Variants in CDH12 observed in about 807,000 individuals in gnomAD.
CDH12 encodes cadherin-12.
In CDH12, 41 loss-of-function variants were observed where a neutral mutation model predicts 74.1. That is an observed-to-expected ratio of 0.55 (90% confidence interval 0.43 to 0.72). The LOEUF (loss-of-function observed/expected upper bound fraction) is 0.72. CDH12 is among the 30% of genes least tolerant of loss of function. The pLI, the probability that CDH12 is intolerant of heterozygous loss-of-function variation, is 0.00. For synonymous variants in CDH12, 399 were observed against 355.0 expected, an observed-to-expected ratio of 1.12 and a Z score of -1.39; for missense variants, 945 against 977.2, an observed-to-expected ratio of 0.97 and a Z score of 0.44.
At chr5:22,408,785 C>G (rs1338267244) in intron 2 of CDH12, among the ~76,000 whole-genome samples, 1 of 151,658 alleles carries the variant, frequency 6.6e-6, no homozygotes, top group African/African-American at 2.4e-5. Flanking sequence ...ATTTTAAAGA[C>G]CTAAAATAAT....
At chr5:21,957,917 G>A (rs1376400025) in intron 6 of CDH12, among the ~76,000 whole-genome samples, 2 of 152,132 alleles carry the variant, frequency 1.3e-5, no homozygotes, top group Non-Finnish European at 2.9e-5. Context: ...CTCTTAATAA[G>A]TTTAATGAGA....
chr5:22,757,543 G>A (rs753045786), intron 1 of CDH12, among the ~76,000 whole-genome samples: 3 of 152,176 alleles, frequency 2.0e-5, no homozygotes, highest in South Asian at 4.1e-4. Context: ...TCAGGTAAAA[G>A]TTCTATTATT....
chr5:22,751,341 T>TATATATATATATATAATATAC lies in CDH12; in HGVS notation c.-523+101716_-523+101717insGTATATTATATATATATATAT, dbSNP rs1250167922. Reference sequence around the variant, plus strand: ...CTGTGATATATATATATAATATACATATATATATATATATATAATATCTAC... The same window carrying TATATATATATATATAATATAC: ...CTGTGATATATATATATAATATACATATATATATATATATAATATACATATATATATATATATAATATCTAC... On this transcript the variant is annotated intron_variant, in intron 1 of 14. Transcript: ENST00000382254. Among the ~76,000 whole-genome samples, 7 of 9,122 alleles carry TATATATATATATATAATATAC rather than the reference T, an allele frequency of 7.7e-4. No homozygotes were observed. In the East Asian group the frequency reaches 0.028, roughly 36 times the overall value. The allele number at this position is 9,122 out of a possible 152,430, so 6.0% of individuals were successfully genotyped here.
chr5:22,102,395 A>C (rs1744186003), intron 4 of CDH12, among the ~76,000 whole-genome samples: 1 of 152,126 alleles, frequency 6.6e-6, no homozygotes, highest in Non-Finnish European at 1.5e-5. Flanking sequence ...CTGGCAGGGC[A>C]CGGTGGCTCA....
chr5:22,754,027 T>A (rs951470160), intron 1 of CDH12, among the ~76,000 whole-genome samples: 29 of 152,322 alleles, frequency 1.9e-4, no homozygotes, highest in Non-Finnish European at 2.5e-4. Flanking sequence ...CATAAGTTTG[T>A]GATGTCTAAT....
chr5:21,906,805 A>G (rs2150059433), intron 6 of CDH12, among the ~76,000 whole-genome samples: 1 of 152,196 alleles, frequency 6.6e-6, no homozygotes, highest in African/African-American at 2.4e-5. Flanking sequence ...GCCTTTACTC[A>G]CAAATATGAA....
intron 3 of CDH12, among the ~76,000 whole-genome samples, chr5:22,304,327 T>C (rs1256453726): frequency 6.6e-6 from 1 of 152,164 alleles, no homozygotes; most frequent in Non-Finnish European, 1.5e-5. Flanking sequence ...AGAATTAAGC[T>C]CTTTCTATGA....
chr5:22,817,619 T>C (rs1340584588), intron 1 of CDH12, among the ~76,000 whole-genome samples: 2 of 152,194 alleles, frequency 1.3e-5, no homozygotes, highest in African/African-American at 2.4e-5. Context: ...TATCTTTGAC[T>C]CTATTCAAAA....
intron 8 of CDH12, among the ~76,000 whole-genome samples, chr5:21,819,021 G>C (rs190753585): frequency 6.6e-6 from 1 of 152,064 alleles, no homozygotes; most frequent in Non-Finnish European, 1.5e-5. Flanking sequence ...AATGTTTGCT[G>C]AACTTAAAGC....
intron 1 of CDH12, among the ~76,000 whole-genome samples, chr5:22,626,496 C>G (rs1738305449): frequency 6.6e-6 from 1 of 152,196 alleles, no homozygotes; most frequent in South Asian, 2.1e-4. Flanking sequence ...GCTTAGCCCC[C>G]TGAAATCTTC....
chr5:21,801,845 GA>G, intron 10 of CDH12, among the ~76,000 whole-genome samples: 1 of 152,200 alleles, frequency 6.6e-6, no homozygotes, highest in East Asian at 1.9e-4. Flanking sequence ...TACTAATTAT[GA>G]GAATCATTCT....
At chr5:22,155,880 C>A (rs1367168318) in intron 4 of CDH12, among the ~76,000 whole-genome samples, 1 of 152,008 alleles carries the variant, frequency 6.6e-6, no homozygotes, top group Admixed American at 6.6e-5. Context: ...ACGACTCATT[C>A]TGCCTTATGG....
At chr5:22,224,799 C>T (rs1028612838) in intron 3 of CDH12, among the ~76,000 whole-genome samples, 21 of 151,730 alleles carry the variant, frequency 1.4e-4, no homozygotes, top group Middle Eastern at 3.4e-3. Context: ...GTATAAAAAA[C>T]TTACACGAGT....
At chr5:22,164,305 T>C (rs2150321994) in intron 4 of CDH12, among the ~76,000 whole-genome samples, 1 of 152,336 alleles carries the variant, frequency 6.6e-6, no homozygotes, top group African/African-American at 2.4e-5. Flanking sequence ...AGAAGAGAAC[T>C]GTGGAACCCA....
chr5:21,941,084 C>T (rs1481207555), intron 6 of CDH12, among the ~76,000 whole-genome samples: 1 of 152,066 alleles, frequency 6.6e-6, no homozygotes, highest in East Asian at 1.9e-4. Context: ...TAATTTGGTA[C>T]ACCTTTTAAA....
intron 1 of CDH12, among the ~76,000 whole-genome samples, chr5:22,700,669 C>T (rs1742668992): frequency 6.6e-6 from 1 of 152,158 alleles, no homozygotes; most frequent in Non-Finnish European, 1.5e-5. Flanking sequence ...TCTTACTAAA[C>T]CACCTTCTTA....
chr5:21,751,859 C>T lies in CDH12; in HGVS notation c.2263G>A (p.Asp755Asn), dbSNP rs769211128. ...GSVAESLSSI[D>N]SLTTEADQDY... ...TGGTCGGCTTCTGTGGTGAGAGAGT[C>T]TATAGAGCTGAGGGACTCTGCCACG... Residue 755 changes from aspartate to asparagine, a missense_variant, in exon 15 of 15, where the codon GAC (aspartate) becomes AAC (asparagine). Around this residue, in one of 3 missense-constraint regions of CDH12, gnomAD observed 791 missense variants for 792.8 expected, o/e 1.00. Transcript: ENST00000382254. 47 of 1,614,012 alleles carry T rather than the reference C, an allele frequency of 2.9e-5. No individual in the cohort carries two copies. The South Asian group carries it at 5.1e-4, about 17-fold the overall frequency.
chr5:22,413,890 T>C (rs957622594), intron 2 of CDH12, among the ~76,000 whole-genome samples: 2 of 152,032 alleles, frequency 1.3e-5, no homozygotes, highest in Non-Finnish European at 2.9e-5. Context: ...TCTTCACACA[T>C]AATATTGAAT....
chr5:22,392,460 C>T (rs1239049810), intron 3 of CDH12, among the ~76,000 whole-genome samples: 2 of 152,120 alleles, frequency 1.3e-5, no homozygotes, highest in Non-Finnish European at 2.9e-5. Flanking sequence ...CCTGCCTCAA[C>T]GTATTCATCT....
Sources: allele counts gnomAD v4.1 joint callset (sites outside exome capture counted in the v4.1 genomes callset), GRCh38; gene constraint gnomAD v4.1.1; regional missense constraint gnomAD v4.1.1; transcripts MANE v1.5; gene names NCBI Gene and HGNC (gene_info 2026-07-23, HGNC 2026-07-21).